Variants in RASSF3 observed in about 807,000 individuals in gnomAD.
RASSF3 encodes Ras association domain family member 3.
Under a neutral mutation model 19.9 loss-of-function variants are expected in RASSF3, and 19 were observed. The observed-to-expected ratio is 0.96, with a 90% confidence interval of 0.67 to 1.40. The LOEUF (loss-of-function observed/expected upper bound fraction) is 1.40. Ranked by LOEUF, RASSF3 falls within the 40% of genes most tolerant of loss-of-function variation. RASSF3 has a pLI of 0.00. For synonymous variants in RASSF3, 110 were observed against 104.2 expected (o/e 1.06, Z -0.34); for missense variants, 306 against 289.8 (o/e 1.06, Z -0.41).
chr12:64,611,838 C>G (rs1357097567), intron 1 of RASSF3, among the ~76,000 whole-genome samples: 3 of 152,188 alleles, frequency 2.0e-5, no homozygotes, highest in Admixed American at 1.3e-4. Flanking sequence ...AGTTTAGCCA[C>G]TTTCTGAAGT....
intron 1 of RASSF3, among the ~76,000 whole-genome samples, chr12:64,640,679 G>T (rs137913321): frequency 0.013 from 2,023 of 152,164 alleles, 46 homozygotes; most frequent in African/African-American, 0.046. Flanking sequence ...GTCTCACTCT[G>T]TTACCCATGC....
chr12:64,610,083 G>C (rs2136151550), upstream of RASSF3, among the ~76,000 whole-genome samples: 1 of 152,190 alleles, frequency 6.6e-6, no homozygotes, highest in East Asian at 1.9e-4. Context: ...CACCCCTACA[G>C]GACCCTGGTG....
chr12:64,564,739 A>G (rs1041894273), intron 2 of RASSF3, among the ~76,000 whole-genome samples: 2 of 151,530 alleles, frequency 1.3e-5, no homozygotes, highest in East Asian at 3.9e-4. Context: ...TTATTGAAGA[A>G]AACAATGTAG....
chr12:64,618,773 G>T (rs1453089731), intron 1 of RASSF3, among the ~76,000 whole-genome samples: 1 of 152,076 alleles, frequency 6.6e-6, no homozygotes, highest in Non-Finnish European at 1.5e-5. Flanking sequence ...AGATAGAAGT[G>T]ACCATTCTAA....
At chr12:64,639,628 T>C (rs1871441727) in intron 1 of RASSF3, among the ~76,000 whole-genome samples, 1 of 152,210 alleles carries the variant, frequency 6.6e-6, no homozygotes, top group African/African-American at 2.4e-5. Context: ...GAAAGAAGGT[T>C]CTGTTCTCTT....
chr12:64,663,212 C>T (rs886891913), intron 1 of RASSF3, among the ~76,000 whole-genome samples: 5 of 152,018 alleles, frequency 3.3e-5, no homozygotes, highest in South Asian at 4.1e-4. Context: ...CATTTTAAGG[C>T]GGGAACCTCG....
chr12:64,650,193 C>G lies in RASSF3; in HGVS notation c.112-34594C>G, dbSNP rs150136714. ...CTATCTTGGATTCACCCTGTTTGAG[C>G]CTGTGATCTGGCTTACCCTCCCAGA... On this transcript the variant is annotated intron_variant, in intron 1 of 4. Coordinates refer to ENST00000542104, the MANE Select transcript of RASSF3 (RefSeq NM_178169.4). Among the ~76,000 whole-genome samples the G allele has an allele frequency of 4.9e-3, 744 of 152,220 alleles. 5 individuals carry two copies. The highest frequency in any genetic ancestry group is 0.03 in the South Asian group (143 of 4,828).
At chr12:64,510,689 T>C (rs141465256) in intron 1 of RASSF3, among the ~76,000 whole-genome samples, 2 of 152,266 alleles carry the variant, frequency 1.3e-5, no homozygotes, top group East Asian at 3.9e-4. Flanking sequence ...GGAAGAAATA[T>C]AGAAGGAAAG....
At chr12:64,555,788 C>G (rs2136123198) in intron 2 of RASSF3, among the ~76,000 whole-genome samples, 1 of 151,002 alleles carries the variant, frequency 6.6e-6, no homozygotes, top group African/African-American at 2.4e-5. Context: ...GGTGTCACGG[C>G]TCATGCCTGT....
chr12:64,507,310 G>C, exon 1 of RASSF3: 2 of 398,632 alleles, frequency 5.0e-6, no homozygotes. Flanking sequence ...AATCCAAGCT[G>C]CTCTGGAGCC....
At chr12:64,608,307 G>A (rs1036129327), upstream of RASSF3, among the ~76,000 whole-genome samples, 5 of 151,924 alleles carry the variant, frequency 3.3e-5, no homozygotes, top group Non-Finnish European at 5.9e-5. Flanking sequence ...TTATGGTGTG[G>A]TGCATCATAA....
chr12:64,522,957 C>T (rs1268784047), intron 1 of RASSF3, among the ~76,000 whole-genome samples: 2 of 152,160 alleles, frequency 1.3e-5, no homozygotes, highest in East Asian at 1.9e-4. Context: ...TGCTTTTCCA[C>T]CAACTACATC....
chr12:64,618,920 TATA>T (rs1291057898), intron 1 of RASSF3, among the ~76,000 whole-genome samples: 1 of 151,732 alleles, frequency 6.6e-6, no homozygotes, highest in Non-Finnish European at 1.5e-5. Context: ...AAACTTAAAG[TATA>T]ATAATAAAAA....
At chr12:64,687,581 T>A (rs1224537708) in intron 2 of RASSF3, among the ~76,000 whole-genome samples, 1 of 152,068 alleles carries the variant, frequency 6.6e-6, no homozygotes, top group Admixed American at 6.6e-5. Context: ...TTCAAGCGAT[T>A]GAATTTTTTT....
At chr12:64,574,771 T>G (rs982653394) in intron 2 of RASSF3, among the ~76,000 whole-genome samples, 1 of 152,224 alleles carries the variant, frequency 6.6e-6, no homozygotes, top group Non-Finnish European at 1.5e-5. Flanking sequence ...GAGCTGCAGA[T>G]GCATGCATGA....
At chr12:64,665,418 T>TAA (rs1872513284) in intron 1 of RASSF3, among the ~76,000 whole-genome samples, 2 of 152,160 alleles carry the variant, frequency 1.3e-5, no homozygotes, top group African/African-American at 4.8e-5. Flanking sequence ...ACACATTAAT[T>TAA]TTTACTGTTA....
At chr12:64,632,103 T>G (rs1871187574) in intron 1 of RASSF3, among the ~76,000 whole-genome samples, 1 of 152,022 alleles carries the variant, frequency 6.6e-6, no homozygotes, top group African/African-American at 2.4e-5. Context: ...GGCCTTTCAG[T>G]TGGTGGCAGG....
intron 1 of RASSF3, among the ~76,000 whole-genome samples, chr12:64,652,675 A>T (rs992296145): frequency 1.3e-5 from 2 of 152,136 alleles, no homozygotes; most frequent in Admixed American, 1.3e-4. Context: ...TTTTTGCTTC[A>T]TCTTGCTTCT....
At chr12:64,687,075 A>G (rs533138725) in intron 2 of RASSF3, among the ~76,000 whole-genome samples, 14 of 151,392 alleles carry the variant, frequency 9.2e-5, no homozygotes, top group South Asian at 6.3e-4. Flanking sequence ...GCTCACTGCA[A>G]CCTCCACCTC....
Sources: allele counts gnomAD v4.1 joint callset (sites outside exome capture counted in the v4.1 genomes callset), GRCh38; gene constraint gnomAD v4.1.1; transcripts MANE v1.5; gene names NCBI Gene and HGNC (gene_info 2026-07-23, HGNC 2026-07-21).